ANKFN1: variants seen among roughly 807,000 people sequenced by gnomAD.
ANKFN1 encodes the protein ankyrin repeat and fibronectin type III domain containing 1, also known as ankyrin repeat and fibronectin type-III domain-containing protein 1.
In ANKFN1, 74 loss-of-function variants were observed where a neutral mutation model predicts 108.7. The observed-to-expected ratio is 0.68, with a 90% CI of 0.56 to 0.83. ANKFN1 has a LOEUF of 0.83. Among genes scored for constraint, ANKFN1 ranks in the 40% least tolerant of loss-of-function variants. ANKFN1 has a pLI of 0.00. For missense variants in ANKFN1, 1,505 were observed against 1,382.3 expected (o/e 1.09, Z -1.41); for synonymous variants, 547 against 516.2 (o/e 1.06, Z -0.81).
intron 4 of ANKFN1, among the ~76,000 whole-genome samples, chr17:56,329,331 C>A (rs1380450235): frequency 6.6e-6 from 1 of 152,104 alleles, no homozygotes; most frequent in Non-Finnish European, 1.5e-5. Flanking sequence ...TGATGTTTCC[C>A]ATCTCTATAT....
At chr17:56,046,924 G>A (rs1443743150) in intron 4 of ANKFN1, among the ~76,000 whole-genome samples, 3 of 152,180 alleles carry the variant, frequency 2.0e-5, no homozygotes, top group Non-Finnish European at 2.9e-5. Flanking sequence ...GGAAAATAAC[G>A]AGGTATTTCA....
In ANKFN1 at chr17:56,143,129, G is replaced by A. The variant is rs1908029726; in HGVS notation, c.289-84788G>A. On this transcript the variant is annotated intron_variant, in intron 4 of 12. Transcript: ENST00000635860. ...GAACAATTAGGGGTGGGGTTGGGGG[G>A]TAGTTTGGGGCTTTTTTATGTTTAG... Among the ~76,000 whole-genome samples, 8 of 152,234 alleles carry A rather than the reference G, an allele frequency of 5.3e-5. No individual in the cohort carries two copies. In the South Asian group the frequency reaches 1.7e-3, roughly 32 times the overall value.
chr17:56,189,188 T>TTTTTTTTTTTTTTTG, intron 1 of ANKFN1, among the ~76,000 whole-genome samples: 1 of 138,230 alleles, frequency 7.2e-6, no homozygotes, highest in South Asian at 2.3e-4. Flanking sequence ...TTTTTTTTTT[T>TTTTTTTTTTTTTTTG]GAGACGGAGT....
At chr17:56,386,884 G>A (rs1225471891) in intron 8 of ANKFN1, among the ~76,000 whole-genome samples, 3 of 151,768 alleles carry the variant, frequency 2.0e-5, no homozygotes, top group Non-Finnish European at 2.9e-5. Flanking sequence ...GTTTTATTTT[G>A]TTTAAGAAAG....
intron 11 of ANKFN1, among the ~76,000 whole-genome samples, chr17:56,451,015 T>C (rs1568011544): frequency 1.3e-5 from 2 of 152,066 alleles, no homozygotes; most frequent in Non-Finnish European, 2.9e-5. Flanking sequence ...GGTAGAACTT[T>C]CCAAAAAAGA....
At chr17:56,204,065 G>A (rs1373387158) in intron 1 of ANKFN1, among the ~76,000 whole-genome samples, 1 of 151,994 alleles carries the variant, frequency 6.6e-6, no homozygotes, top group African/African-American at 2.4e-5. Flanking sequence ...TAATTTTTTA[G>A]AGACAGAGTC....
At position 56,170,774 on chromosome 17, in the gene ANKFN1, T is replaced by TTATATATATATA. The variant is rs60304505; in HGVS notation, c.-71+17267_-71+17278dup. ...TGAGACTCTGTCAAGAAAAAATTTT[T>TTATATATATATA]TATATATATATATATATATATATAT... On this transcript the variant is annotated intron_variant, in intron 1 of 20. Transcript: ENST00000682825. 2.6e-4 allele frequency among the ~76,000 whole-genome samples: 18 copies of TTATATATATATA among 68,104 alleles called. 1 individual carries two copies. Among genetic ancestry groups the TTATATATATATA allele is most frequent in the Admixed American group, 8.1e-4 (5 of 6,158 alleles). 44.7% of individuals were successfully genotyped at this position (68,104 alleles called of 152,430 possible). A position where few individuals can be genotyped will look rare whatever the true frequency, so the allele number is the denominator to read the frequency against.
intron 15 of ANKFN1, among the ~76,000 whole-genome samples, chr17:56,470,657 A>G (rs184777059): frequency 6.6e-6 from 1 of 152,184 alleles, no homozygotes; most frequent in Non-Finnish European, 1.5e-5. Flanking sequence ...CGGGGTTTTC[A>G]AAACAGATAG....
chr17:56,167,318 C>CATATATAT (rs72496812), intron 1 of ANKFN1, among the ~76,000 whole-genome samples: 121 of 133,250 alleles, frequency 9.1e-4, no homozygotes, highest in African/African-American at 1.8e-3. Flanking sequence ...CACACACACA[C>CATATATAT]ATATATATAT....
intron 4 of ANKFN1, among the ~76,000 whole-genome samples, chr17:56,349,872 A>C (rs1007019281): frequency 3.9e-5 from 6 of 152,152 alleles, no homozygotes; most frequent in Non-Finnish European, 8.8e-5. Flanking sequence ...TCTACCAGGG[A>C]GACACTTTGC....
chr17:56,281,537 A>G (rs2044083127), intron 3 of ANKFN1, among the ~76,000 whole-genome samples: 1 of 152,216 alleles, frequency 6.6e-6, no homozygotes, highest in South Asian at 2.1e-4. Flanking sequence ...TAAATTAAAA[A>G]TTAAAGACTC....
chr17:56,290,164 C>CT (rs1337446517), intron 3 of ANKFN1, among the ~76,000 whole-genome samples: 1 of 152,092 alleles, frequency 6.6e-6, no homozygotes, highest in Non-Finnish European at 1.5e-5. Flanking sequence ...TCCTTGCTCC[C>CT]TTTTTACCTT....
chr17:56,076,283 T>A (rs936729069), intron 4 of ANKFN1, among the ~76,000 whole-genome samples: 1 of 152,338 alleles, frequency 6.6e-6, no homozygotes. Flanking sequence ...GCTGCTACTA[T>A]ACCAGAGATG....
At chr17:56,194,551 A>G (rs1913320369) in intron 1 of ANKFN1, among the ~76,000 whole-genome samples, 1 of 152,238 alleles carries the variant, frequency 6.6e-6, no homozygotes, top group Admixed American at 6.5e-5. Context: ...AGGCCGAACT[A>G]TGAAGACAGT....
intron 13 of ANKFN1, 140 bp downstream of exon 13, chr17:56,457,529 C>G (rs1568017013): frequency 1.1e-6 from 1 of 926,702 alleles, no homozygotes; most frequent in Non-Finnish European, 1.6e-6. Context: ...CTTTTCAGCC[C>G]TGGTATGCCC....
At chr17:56,213,787 A>G (rs1274407194) in intron 2 of ANKFN1, among the ~76,000 whole-genome samples, 1 of 152,248 alleles carries the variant, frequency 6.6e-6, no homozygotes, top group Admixed American at 6.5e-5. Context: ...TCTTAAAGCA[A>G]TAAGCACATG....
intron 11 of ANKFN1, among the ~76,000 whole-genome samples, chr17:56,450,987 G>T (rs1318543538): frequency 6.6e-6 from 1 of 152,066 alleles, no homozygotes; most frequent in Non-Finnish European, 1.5e-5. Context: ...TATCAGGAAA[G>T]ATTTAAGTAA....
chr17:56,047,118 G>A (rs573582098), intron 4 of ANKFN1, among the ~76,000 whole-genome samples: 1 of 152,280 alleles, frequency 6.6e-6, no homozygotes, highest in East Asian at 1.9e-4. Context: ...CTTAGTATAA[G>A]ACAGTGCTGT....
At chr17:56,112,466 A>C (rs2143256568) in intron 4 of ANKFN1, among the ~76,000 whole-genome samples, 1 of 152,024 alleles carries the variant, frequency 6.6e-6, no homozygotes, top group African/African-American at 2.4e-5. Context: ...AAAATAGCCA[A>C]GCAGAACAGA....
Sources: gnomAD v4.1 joint callset for allele counts (sites outside exome capture counted in the v4.1 genomes callset) on GRCh38, gnomAD v4.1.1 for gene constraint, MANE v1.5 for transcripts, NCBI Gene and HGNC (gene_info 2026-07-23, HGNC 2026-07-21) for gene names.